MRAP2: variants seen among roughly 807,000 people sequenced by gnomAD.
The protein encoded by MRAP2 is melanocortin 2 receptor accessory protein 2.
A neutral mutation model predicts 17.4 loss-of-function variants in MRAP2; 20 were observed. The ratio of observed to expected loss-of-function variants is 1.15; its 90% confidence interval spans 0.81 to 1.67. The LOEUF is 1.67. Ranked by LOEUF, MRAP2 falls within the 40% of genes most tolerant of loss-of-function variation. The probability of loss-of-function intolerance (pLI) is 0.00; values close to 1 mark genes in which losing one functional copy is unlikely to be tolerated. For synonymous variants in MRAP2, 96 were observed against 88.4 expected, an observed-to-expected ratio of 1.09 and a Z score of -0.48; for missense variants, 238 against 240.0, an observed-to-expected ratio of 0.99 and a Z score of 0.05.
chr6:84,123,119 A>C, the MRAP2 span, among the ~76,000 whole-genome samples: 1 of 152,122 alleles, frequency 6.6e-6, no homozygotes, highest in Non-Finnish European at 1.5e-5. Flanking sequence ...TGAACTGAAT[A>C]ACCAATATGA....
In MRAP2 at chr6:84,089,827, A is replaced by AT. The variant is rs1562894925; in HGVS notation, c.*354dup. On this transcript the variant is annotated 3_prime_UTR_variant, in exon 4 of 4. Coordinates refer to ENST00000257776, the MANE Select transcript of MRAP2 (RefSeq NM_138409.4). ...CATGAGTTTTGTTTTTTTTTTTGCTATTTTTTTTAAAGCTCGTCAGCTATC... is the reference window on the plus strand; with the variant it reads ...CATGAGTTTTGTTTTTTTTTTTGCTATTTTTTTTTAAAGCTCGTCAGCTATC... 10 of 200,962 alleles carry AT rather than the reference A, an allele frequency of 5.0e-5. No individual in the cohort carries two copies. The highest frequency in any genetic ancestry group is 1.1e-4 in the East Asian group (1 of 9,194). 12.4% of individuals were successfully genotyped at this position (200,962 alleles called of 1,614,324 possible).
At chr6:84,108,406 GATATGCATTTCTCT>G in the MRAP2 span, among the ~76,000 whole-genome samples, 1 of 151,178 alleles carries the variant, frequency 6.6e-6, no homozygotes, top group Admixed American at 6.6e-5. Flanking sequence ...TTGTGGTTTT[GATATGCATTTCTCT>G]AATGATCAGT....
At chr6:84,084,899 TTTTATTTTATTTTA>T (rs1260468197) in intron 3 of MRAP2, among the ~76,000 whole-genome samples, 33 of 116,728 alleles carry the variant, frequency 2.8e-4, no homozygotes, top group African/African-American at 8.6e-4. Context: ...TTTTATTTTA[TTTTATTTTATTTTA>T]TTTATTTATT....
At chr6:84,043,715 G>A (rs1276292024) in intron 1 of MRAP2, among the ~76,000 whole-genome samples, 6 of 152,184 alleles carry the variant, frequency 3.9e-5, no homozygotes, top group South Asian at 2.1e-4. Context: ...AGTTCATTGT[G>A]TGGCAGAGGA....
the MRAP2 span, among the ~76,000 whole-genome samples, chr6:84,145,993 C>G: frequency 6.6e-6 from 1 of 152,092 alleles, no homozygotes; most frequent in Admixed American, 6.6e-5. Flanking sequence ...GAGAGCTCAC[C>G]TGCAATATCT....
chr6:84,112,632 C>T, the MRAP2 span, among the ~76,000 whole-genome samples: 1 of 152,036 alleles, frequency 6.6e-6, no homozygotes, highest in South Asian at 2.1e-4. Context: ...TTAGTTATTT[C>T]TTGTCTTCTG....
the MRAP2 span, among the ~76,000 whole-genome samples, chr6:84,122,352 C>CAAAAAAAAAAAAAA: frequency 8.3e-5 from 3 of 36,154 alleles, no homozygotes; most frequent in East Asian, 1.0e-3. Context: ...ACAGCACATC[C>CAAAAAAAAAAAAAA]AAAAAAAAAA....
chr6:84,103,475 C>A, the MRAP2 span, among the ~76,000 whole-genome samples: 2 of 152,080 alleles, frequency 1.3e-5, no homozygotes, highest in South Asian at 4.2e-4. Flanking sequence ...TGATAATGAG[C>A]AAAATAGGTA....
At chr6:84,064,322 C>T (rs1293655302) in intron 3 of MRAP2, among the ~76,000 whole-genome samples, 2 of 152,024 alleles carry the variant, frequency 1.3e-5, no homozygotes, top group African/African-American at 2.4e-5. Context: ...CTTCTCCCTC[C>T]TTCCCATTTC....
At chr6:84,059,395 A>G (rs2099492510) in intron 2 of MRAP2, among the ~76,000 whole-genome samples, 1 of 152,216 alleles carries the variant, frequency 6.6e-6, no homozygotes, top group South Asian at 2.1e-4. Flanking sequence ...AATTGGCCCT[A>G]CTGCCTTAGG....
At chr6:84,132,490 T>C in the MRAP2 span, among the ~76,000 whole-genome samples, 459 of 152,312 alleles carry the variant, frequency 3.0e-3, 1 homozygote, top group African/African-American at 1.0e-2. Context: ...CAATCAGACA[T>C]AGATTTGGTC....
chr6:84,071,383 G>A (rs1276286020), intron 3 of MRAP2, among the ~76,000 whole-genome samples: 2 of 152,086 alleles, frequency 1.3e-5, no homozygotes, highest in Non-Finnish European at 2.9e-5. Context: ...GTAATTGTTT[G>A]GTTTGAGGAG....
the MRAP2 span, among the ~76,000 whole-genome samples, chr6:84,104,560 C>T: frequency 1.3e-5 from 2 of 152,182 alleles, no homozygotes; most frequent in Non-Finnish European, 2.9e-5. Context: ...CTCTTGAATG[C>T]TTTGTTGCTT....
intron 1 of MRAP2, among the ~76,000 whole-genome samples, chr6:84,048,627 C>T (rs1379269084): frequency 6.6e-6 from 1 of 152,154 alleles, no homozygotes; most frequent in Non-Finnish European, 1.5e-5. Flanking sequence ...TGGTGGCAAC[C>T]ATTGACACTG....
intron 3 of MRAP2, among the ~76,000 whole-genome samples, chr6:84,083,604 G>A (rs1018666561): frequency 2.0e-5 from 3 of 152,074 alleles, no homozygotes; most frequent in African/African-American, 7.2e-5. Flanking sequence ...GGGCAAAATT[G>A]TATGCTGACA....
chr6:84,061,307 G>A (rs952550369), intron 2 of MRAP2, among the ~76,000 whole-genome samples: 6 of 152,080 alleles, frequency 3.9e-5, no homozygotes, highest in Non-Finnish European at 7.4e-5. Context: ...CATCCTCATT[G>A]TATTTCCACA....
chr6:84,034,139 G>C (rs112084163), intron 1 of MRAP2, among the ~76,000 whole-genome samples: 9,737 of 152,094 alleles, frequency 0.064, 1,010 homozygotes, highest in African/African-American at 0.22. Flanking sequence ...GCCGCTGGGC[G>C]TCCGAAAAGC....
the MRAP2 span, among the ~76,000 whole-genome samples, chr6:84,115,917 C>T: frequency 6.6e-6 from 1 of 152,224 alleles, no homozygotes; most frequent in Non-Finnish European, 1.5e-5. Flanking sequence ...ACCCACTGTC[C>T]AACCAGTCCC....
At chr6:84,145,005 A>G in the MRAP2 span, among the ~76,000 whole-genome samples, 3 of 152,160 alleles carry the variant, frequency 2.0e-5, no homozygotes, top group African/African-American at 7.2e-5. Context: ...CAGTTATACT[A>G]TCAAGGCTTT....
Sources: allele counts gnomAD v4.1 joint callset (sites outside exome capture counted in the v4.1 genomes callset), GRCh38; gene constraint gnomAD v4.1.1; transcripts MANE v1.5; gene names NCBI Gene and HGNC (gene_info 2026-07-23, HGNC 2026-07-21).